Variants in ELMO1 observed in about 807,000 individuals in gnomAD.
The protein encoded by ELMO1 is engulfment and cell motility protein 1.
Under a neutral mutation model 98.9 loss-of-function variants are expected in ELMO1, and 26 were observed. The observed-to-expected ratio is 0.26, with a 90% confidence interval of 0.19 to 0.36. The LOEUF (loss-of-function observed/expected upper bound fraction) is 0.36. Among genes scored for constraint, ELMO1 ranks in the 10% least tolerant of loss-of-function variants. ELMO1 has a pLI of 1.00. For missense variants in ELMO1, 627 were observed against 935.2 expected (o/e 0.67, Z 4.30); for synonymous variants, 346 against 346.0 (o/e 1.00, Z 0.00).
At chr7:36,930,533 C>A (rs1265555856) in intron 16 of ELMO1, among the ~76,000 whole-genome samples, 2 of 152,210 alleles carry the variant, frequency 1.3e-5, no homozygotes, top group Non-Finnish European at 2.9e-5. Flanking sequence ...GCCTCCCAAG[C>A]CACATGCTGT....
intron 15 of ELMO1, among the ~76,000 whole-genome samples, chr7:37,083,972 G>A (rs1783619948): frequency 6.6e-6 from 1 of 152,180 alleles, no homozygotes; most frequent in Admixed American, 6.5e-5. Context: ...GAGCGGGAGT[G>A]GGTAGAAAAA....
intron 14 of ELMO1, among the ~76,000 whole-genome samples, chr7:37,100,261 T>C (rs1784572458): frequency 6.6e-6 from 1 of 152,272 alleles, no homozygotes; most frequent in Non-Finnish European, 1.5e-5. Flanking sequence ...TAAGGTTCTA[T>C]GTCATCTAAT....
intron 16 of ELMO1, among the ~76,000 whole-genome samples, chr7:36,960,476 T>C (rs1388276878): frequency 6.6e-6 from 1 of 152,172 alleles, no homozygotes; most frequent in Non-Finnish European, 1.5e-5. Context: ...CTTTAAAGCC[T>C]GTTCTCTGTT....
chr7:37,199,941 G>A (rs965168414), intron 13 of ELMO1, among the ~76,000 whole-genome samples: 1 of 152,172 alleles, frequency 6.6e-6, no homozygotes, highest in Non-Finnish European at 1.5e-5. Context: ...ACTGTGCAGA[G>A]GCCCTGCCCC....
intron 16 of ELMO1, among the ~76,000 whole-genome samples, chr7:36,989,052 TTAA>T (rs751953383): frequency 1.3e-5 from 2 of 152,192 alleles, no homozygotes; most frequent in African/African-American, 4.8e-5. Flanking sequence ...TATTGAGCAA[TTAA>T]TAATCCAGGA....
In ELMO1 at chr7:37,342,812, C is replaced by T. The variant is rs1800790418; in HGVS notation, c.-73-49G>A. ...AAAGAGAAGTCACTCAGTGCAGATG[C>T]AGGGTGAATTTTGCTTCATCACTTC... On this transcript the variant is annotated intron_variant, in intron 1 of 21. Coordinates refer to ENST00000310758, the MANE Select transcript of ELMO1 (RefSeq NM_014800.11). The surrounding 1 kb of genome is among the most constrained non-coding windows in gnomAD (Gnocchi z 4.3). 3.3e-6 allele frequency: 3 copies of T among 917,248 alleles called. No homozygotes were observed. Among genetic ancestry groups the T allele is most frequent in the Non-Finnish European group, 4.9e-6 (3 of 609,784 alleles). The allele number at this position is 917,248 out of a possible 1,614,324, so 56.8% of individuals were successfully genotyped here. A position where few individuals can be genotyped will look rare whatever the true frequency, so the allele number is the denominator to read the frequency against.
At chr7:37,330,189 T>C (rs1327456988) in intron 2 of ELMO1, among the ~76,000 whole-genome samples, 1 of 152,240 alleles carries the variant, frequency 6.6e-6, no homozygotes, top group African/African-American at 2.4e-5. Flanking sequence ...GCTCTTTACA[T>C]ATTTTGTCTC....
At chr7:37,313,513 C>T (rs1798994506) in intron 4 of ELMO1, among the ~76,000 whole-genome samples, 1 of 152,184 alleles carries the variant, frequency 6.6e-6, no homozygotes, top group Non-Finnish European at 1.5e-5. Context: ...ACGTGAGCCA[C>T]CGCACCTGGC....
intron 7 of ELMO1, among the ~76,000 whole-genome samples, chr7:37,235,599 C>A (rs937952077): frequency 2.0e-5 from 3 of 152,204 alleles, no homozygotes; most frequent in Non-Finnish European, 4.4e-5. Flanking sequence ...GCAGCACAGG[C>A]AATGGAACAG....
chr7:36,856,341 C>T (rs915697730), intron 21 of ELMO1, among the ~76,000 whole-genome samples: 2 of 152,208 alleles, frequency 1.3e-5, no homozygotes, highest in African/African-American at 4.8e-5. Context: ...TAGGCTTATG[C>T]TGCCCAGTGT....
At chr7:37,396,708 T>C (rs1389478932) in intron 1 of ELMO1, among the ~76,000 whole-genome samples, 8 of 152,302 alleles carry the variant, frequency 5.3e-5, no homozygotes, top group Admixed American at 2.0e-4. Flanking sequence ...CCCTAGAGAA[T>C]TGGATAATCT....
At chr7:37,265,879 G>C (rs533732825) in intron 5 of ELMO1, among the ~76,000 whole-genome samples, 1 of 152,068 alleles carries the variant, frequency 6.6e-6, no homozygotes, top group Non-Finnish European at 1.5e-5. Context: ...CTAGTTAACA[G>C]CACGCAGTTA....
chr7:37,408,831 C>G (rs2131489241), intron 1 of ELMO1, among the ~76,000 whole-genome samples: 1 of 152,278 alleles, frequency 6.6e-6, no homozygotes, highest in East Asian at 1.9e-4. Context: ...CTCTAGAGAT[C>G]TGCTGCGTAA....
At chr7:37,124,795 C>T (rs553770029) in intron 14 of ELMO1, among the ~76,000 whole-genome samples, 2 of 151,688 alleles carry the variant, frequency 1.3e-5, no homozygotes, top group Admixed American at 1.3e-4. Context: ...CTTTAAAGTT[C>T]ATATGGAACC....
chr7:37,213,539 A>C, intron 11 of ELMO1, 82 bp from the exon 12 acceptor site: 398 of 1,319,248 alleles, frequency 3.0e-4, no homozygotes, highest in Non-Finnish European at 3.8e-4. Context: ...GAAGGCTCTC[A>C]CAGTCTTCAC....
chr7:37,302,745 C>G (rs1798412363), intron 4 of ELMO1, among the ~76,000 whole-genome samples: 1 of 152,144 alleles, frequency 6.6e-6, no homozygotes, highest in Non-Finnish European at 1.5e-5. Context: ...GTAATCATCT[C>G]TACTGATAAT....
chr7:36,995,195 A>G (rs1289715406), intron 16 of ELMO1, among the ~76,000 whole-genome samples: 1 of 152,192 alleles, frequency 6.6e-6, no homozygotes, highest in Non-Finnish European at 1.5e-5. Context: ...ACAACCCAAC[A>G]TCATAGAAGC....
At chr7:36,875,633 T>G (rs2129043480) in intron 19 of ELMO1, among the ~76,000 whole-genome samples, 1 of 152,206 alleles carries the variant, frequency 6.6e-6, no homozygotes, top group East Asian at 1.9e-4. Context: ...TGTGTGGAGA[T>G]TTGCAGCTCT....
chr7:37,128,702 T>C (rs1786696231), intron 14 of ELMO1, among the ~76,000 whole-genome samples: 1 of 152,124 alleles, frequency 6.6e-6, no homozygotes, highest in South Asian at 2.1e-4. Context: ...GATTCTCCAA[T>C]GGTAAAAAAA....
Sources: gnomAD v4.1 joint callset for allele counts (sites outside exome capture counted in the v4.1 genomes callset) on GRCh38, gnomAD v4.1.1 for gene constraint, Gnocchi (gnomAD v3.1) non-coding constraint, MANE v1.5 for transcripts, NCBI Gene and HGNC (gene_info 2026-07-23, HGNC 2026-07-21) for gene names.